The following KAZN variants were observed in gnomAD, a reference collection of about 807,000 sequenced individuals.
KAZN encodes kazrin, periplakin interacting protein.
A neutral mutation model predicts 87.4 loss-of-function variants in KAZN; 40 were observed. The ratio of observed to expected loss-of-function variants is 0.46; its 90% CI spans 0.36 to 0.60. The LOEUF (loss-of-function observed/expected upper bound fraction) is 0.60. KAZN is among the 20% of genes least tolerant of loss of function. The pLI, the probability that KAZN is intolerant of heterozygous loss-of-function variation, is 0.00. For missense variants in KAZN, 898 were observed against 1,073.9 expected (o/e 0.84, Z 2.29); for synonymous variants, 466 against 458.3 (o/e 1.02, Z -0.22).
chr1:14,269,343 C>T (rs1304705216), intron 2 of KAZN, among the ~76,000 whole-genome samples: 1 of 151,898 alleles, frequency 6.6e-6, no homozygotes, highest in Non-Finnish European at 1.5e-5. Context: ...GTTTGAGAAA[C>T]TCTCCTAATA....
At chr1:14,893,438 A>G (rs1224482597) in intron 1 of KAZN, among the ~76,000 whole-genome samples, 1 of 152,156 alleles carries the variant, frequency 6.6e-6, no homozygotes, top group Non-Finnish European at 1.5e-5. Context: ...TGGCCCTTTG[A>G]CCTGCTCAGA....
chr1:14,469,192 A>G (rs1187664916), intron 2 of KAZN, among the ~76,000 whole-genome samples: 1 of 152,134 alleles, frequency 6.6e-6, no homozygotes, highest in African/African-American at 2.4e-5. Context: ...CTACAACCAG[A>G]TTATGGGGGA....
intron 2 of KAZN, among the ~76,000 whole-genome samples, chr1:14,574,306 C>T (rs1350137521): frequency 6.6e-6 from 1 of 152,190 alleles, no homozygotes; most frequent in Non-Finnish European, 1.5e-5. Context: ...TAATCTCTGT[C>T]TGCAGGGAGC....
chr1:14,534,613 C>T lies in KAZN; in HGVS notation c.250-64370C>T, dbSNP rs2148485846. On this transcript the variant is annotated intron_variant, in intron 2 of 16. Coordinates refer to the KAZN transcript ENST00000636203. ...TGAGCCGAGATCGCACCACTGCACT[C>T]CAGCCTGGGAGCCAGAGCGAGACTC... Among the ~76,000 whole-genome samples, 4 of 152,202 alleles carry T rather than the reference C, an allele frequency of 2.6e-5. 1 individual carries two copies. The South Asian group carries it at 8.3e-4, about 32-fold the overall frequency.
intron 1 of KAZN, among the ~76,000 whole-genome samples, chr1:14,109,721 A>C (rs961859189): frequency 1.4e-5 from 2 of 145,788 alleles, no homozygotes; most frequent in Admixed American, 7.1e-5. Flanking sequence ...TTGCAGCTGC[A>C]TCAAGAAGGC....
intron 2 of KAZN, among the ~76,000 whole-genome samples, chr1:14,398,970 C>G (rs1001395362): frequency 2.0e-5 from 3 of 152,244 alleles, no homozygotes; most frequent in African/African-American, 7.2e-5. Flanking sequence ...TGAATCTCCC[C>G]ATTCCCCCCT....
intron 1 of KAZN, among the ~76,000 whole-genome samples, chr1:14,917,717 T>G (rs942675251): frequency 3.3e-5 from 5 of 152,126 alleles, no homozygotes; most frequent in Admixed American, 6.5e-5. Flanking sequence ...CCTCTCTGCT[T>G]CTAGAGACTG....
chr1:14,871,649 AGT>A (rs3033520), intron 1 of KAZN, among the ~76,000 whole-genome samples: 9,529 of 144,552 alleles, frequency 0.066, 345 homozygotes, highest in Middle Eastern at 0.18. Flanking sequence ...CATGAGCAGC[AGT>A]GTGTGTGTGT....
At chr1:14,615,249 G>T (rs1678139785) in intron 1 of KAZN, among the ~76,000 whole-genome samples, 2 of 152,224 alleles carry the variant, frequency 1.3e-5, no homozygotes, top group Non-Finnish European at 2.9e-5. Context: ...AACCAGAGGA[G>T]GGAAGAGCAG....
chr1:14,009,100 A>G (rs909150439), intron 1 of KAZN, among the ~76,000 whole-genome samples: 1 of 152,232 alleles, frequency 6.6e-6, no homozygotes, highest in Non-Finnish European at 1.5e-5. Context: ...ACTTAGCATA[A>G]TGAGCTCAAT....
chr1:15,109,997 ATG>A (rs147738906), intron 13 of KAZN, among the ~76,000 whole-genome samples: 15,218 of 132,166 alleles, frequency 0.12, 996 homozygotes, highest in South Asian at 0.17. Flanking sequence ...ATGTGGGTAT[ATG>A]TGTGTTGTGT....
At chr1:13,999,356 A>G (rs1029928080) in intron 1 of KAZN, among the ~76,000 whole-genome samples, 1 of 149,374 alleles carries the variant, frequency 6.7e-6, no homozygotes, top group Non-Finnish European at 1.5e-5. Context: ...TAAAAAACAA[A>G]AAACAAAAAA....
intron 1 of KAZN, among the ~76,000 whole-genome samples, chr1:14,827,414 C>G (rs1646924734): frequency 6.6e-6 from 1 of 152,196 alleles, no homozygotes; most frequent in Non-Finnish European, 1.5e-5. Context: ...CTGCTTCCCA[C>G]CCTTTGCCCT....
At chr1:13,941,580 A>G (rs1189716953) in intron 1 of KAZN, among the ~76,000 whole-genome samples, 1 of 152,224 alleles carries the variant, frequency 6.6e-6, no homozygotes, top group Non-Finnish European at 1.5e-5. Context: ...CCCAGGAGGC[A>G]TCCTCTCCTG....
Position 14,576,331 on chromosome 1 carries a change from T to TGGACGGAC in KAZN, c.250-22651_250-22644dup, listed in dbSNP as rs1335700931. On this transcript the variant is annotated intron_variant, in intron 2 of 16. Coordinates refer to the KAZN transcript ENST00000636203. ...ATGGATGGATGGATGGATGGATGGA[T>TGGACGGAC]GGACGGACAGATAAATAGATGGGTA... Among the ~76,000 whole-genome samples, 57 of 135,464 alleles carry TGGACGGAC rather than the reference T, an allele frequency of 4.2e-4. 1 individual carries two copies. The highest frequency in any genetic ancestry group is 7.4e-3 in the Middle Eastern group (2 of 270). The allele number at this position is 135,464 out of a possible 152,430, so 88.9% of individuals were successfully genotyped here. A position where few individuals can be genotyped will look rare whatever the true frequency, so the allele number is the denominator to read the frequency against.
intron 2 of KAZN, among the ~76,000 whole-genome samples, chr1:14,369,559 G>T (rs1192309815): frequency 6.6e-6 from 1 of 152,154 alleles, no homozygotes; most frequent in Non-Finnish European, 1.5e-5. Context: ...ATGGGGAAAG[G>T]GCAGACTGGA....
chr1:14,372,274 A>T (rs1220246762), intron 2 of KAZN, among the ~76,000 whole-genome samples: 1 of 152,240 alleles, frequency 6.6e-6, no homozygotes, highest in African/African-American at 2.4e-5. Flanking sequence ...GAGGTCATTT[A>T]AAAAATTTAA....
intron 1 of KAZN, among the ~76,000 whole-genome samples, chr1:14,863,236 T>TC (rs1651071776): frequency 6.6e-6 from 1 of 152,074 alleles, no homozygotes; most frequent in Non-Finnish European, 1.5e-5. Context: ...GCCAAAGGCA[T>TC]CCCCCGGGAA....
At chr1:14,354,093 A>T (rs1658788453) in intron 2 of KAZN, among the ~76,000 whole-genome samples, 1 of 152,244 alleles carries the variant, frequency 6.6e-6, no homozygotes, top group South Asian at 2.1e-4. Flanking sequence ...AGATGGACAC[A>T]TATATGGTTG....
Sources: gnomAD v4.1 joint callset for allele counts (sites outside exome capture counted in the v4.1 genomes callset) on GRCh38, gnomAD v4.1.1 for gene constraint, MANE v1.5 for transcripts, NCBI Gene and HGNC (gene_info 2026-07-23, HGNC 2026-07-21) for gene names.